The following PEA15 variants were observed in gnomAD, a reference collection of about 807,000 sequenced individuals.
PEA15 encodes astrocytic phosphoprotein PEA-15.
For synonymous variants in PEA15, 60 were observed against 61.8 expected (o/e 0.97, Z 0.13); for missense variants, 77 against 161.3 (o/e 0.48, Z 2.83).
At chr1:160,211,778 T>C (rs1386007139) in intron 2 of PEA15, 62 bp downstream of exon 2, 1 of 1,508,856 alleles carries the variant, frequency 6.6e-7, no homozygotes, top group African/African-American at 1.4e-5. Context: ...ATTCAGCAAA[T>C]AGAGATGAGC....
intron 1 of PEA15, chr1:160,207,022 A>C (rs1423527581): frequency 6.6e-6 from 1 of 152,512 alleles, no homozygotes; most frequent in Non-Finnish European, 1.5e-5. Context: ...TCACTCTCTC[A>C]CACAGATCCT....
In PEA15 at chr1:160,211,583, C is replaced by T; in HGVS notation, c.39C>T (p.Asn13=). Residue 13 remains asparagine (N), a synonymous_variant, in exon 2 of 4, where the codon AAC becomes AAT. Coordinates refer to ENST00000360472, the MANE Select transcript of PEA15 (RefSeq NM_003768.5). The part of the protein sequence containing the change: ...EYGTLLQDLT[N]NITLEDLEQL... The stretch of plus-strand genomic sequence containing the variant: ...GGACCCTCCTGCAAGACCTGACCAA[C>T]AACATCACCCTTGAAGATCTAGAAC... 6.2e-7 allele frequency: 1 copy of T among 1,613,888 alleles called. No homozygotes were observed. Among genetic ancestry groups the T allele is most frequent in the Non-Finnish European group, 8.5e-7 (1 of 1,179,834 alleles).
At position 160,213,615 on chromosome 1, in the gene PEA15, T is replaced by G; in HGVS notation, c.*129T>G. The G allele has an allele frequency of 1.9e-6, 1 of 528,744 alleles. No individual in the cohort carries two copies. Among genetic ancestry groups the G allele is most frequent in the Non-Finnish European group, 3.4e-6 (1 of 297,568 alleles). 32.8% of individuals were successfully genotyped at this position (528,744 alleles called of 1,614,324 possible). A position where few individuals can be genotyped will look rare whatever the true frequency, so the allele number is the denominator to read the frequency against. On this transcript the variant is annotated 3_prime_UTR_variant, in exon 4 of 4. Coordinates refer to ENST00000360472, the MANE Select transcript of PEA15 (RefSeq NM_003768.5). This position sits in a 1 kb window ranked among gnomAD's most constrained non-coding sequence, Gnocchi z 5.3. ...TAACCTGGTCCTAACCCCCTTACTGTGCGCGTGTGTGTGCGTGTGCGCACG... is the reference window on the plus strand; with the variant it reads ...TAACCTGGTCCTAACCCCCTTACTGGGCGCGTGTGTGTGCGTGTGCGCACG...
chr1:160,211,378 C>A, intron 1 of PEA15, 165 bp from the exon 2 acceptor site: 1 of 1,312,876 alleles, frequency 7.6e-7, no homozygotes, highest in Non-Finnish European at 9.9e-7. Flanking sequence ...GACTGCCTCC[C>A]CTAGGTCTTC....
At position 160,208,418 on chromosome 1, in the gene PEA15, G is replaced by A. The variant is rs1397649512; in HGVS notation, c.-3+2896G>A. On this transcript the variant is annotated intron_variant, in intron 1 of 3. Transcript: ENST00000360472. This position sits in a 1 kb window ranked among gnomAD's most constrained non-coding sequence, Gnocchi z 4.1. ...AGGGAAGAGGACTGACTTCCTGGCA[G>A]CCGGGGCTCCGGTTCCTGATTCCTG... 1.7e-6 allele frequency: 1 copy of A among 591,568 alleles called. No individual in the cohort carries two copies. The highest frequency in any genetic ancestry group is 3.0e-6 in the Non-Finnish European group (1 of 332,824). The allele number at this position is 591,568 out of a possible 1,614,324, so 36.6% of individuals were successfully genotyped here.
Position 160,205,907 on chromosome 1 carries a change from C to G in PEA15, c.-3+385C>G, listed in dbSNP as rs556884410. ...CCGGCCCAGCCCTGTCTCGGTTCCG[C>G]GGGCGGCTGGTACCATGTGCCCTCA... On this transcript the variant is annotated intron_variant, in intron 1 of 3. Coordinates refer to ENST00000360472, the MANE Select transcript of PEA15 (RefSeq NM_003768.5). This position sits in a 1 kb window ranked among gnomAD's most constrained non-coding sequence, Gnocchi z 5.9. 6.6e-6 allele frequency: 1 copy of G among 152,352 alleles called. No individual in the cohort carries two copies. The highest frequency in any genetic ancestry group is 1.5e-5 in the Non-Finnish European group (1 of 68,050). The allele number at this position is 152,352 out of a possible 1,614,324, so 9.4% of individuals were successfully genotyped here. A position where few individuals can be genotyped will look rare whatever the true frequency, so the allele number is the denominator to read the frequency against.
chr1:160,208,617 G>A lies in PEA15; in HGVS notation c.-2-2926G>A. On this transcript the variant is annotated intron_variant, in intron 1 of 3. Coordinates refer to ENST00000360472, the MANE Select transcript of PEA15 (RefSeq NM_003768.5). The surrounding 1 kb of genome is among the most constrained non-coding windows in gnomAD (Gnocchi z 4.1). ...TGAGGAAAGTGACATGGAGGATGAA[G>A]GAAACAAGCTCTGCCAAGCCCCACC... 1.3e-6 allele frequency: 2 copies of A among 1,550,538 alleles called. No individual in the cohort carries two copies. Among genetic ancestry groups the A allele is most frequent in the Non-Finnish European group, 8.7e-7 (1 of 1,146,952 alleles).
chr1:160,206,102 C>T (rs927635554), intron 1 of PEA15: 1 of 152,556 alleles, frequency 6.6e-6, no homozygotes, highest in Non-Finnish European at 1.5e-5. Context: ...CTATAAGGCA[C>T]GCCAGCACAC....
rs995738364 is a variant in PEA15, at chr1:160,213,042, A to G, written c.173-68A>G. On this transcript the variant is annotated intron_variant, in intron 2 of 3. Transcript: ENST00000360472. This position sits in a 1 kb window ranked among gnomAD's most constrained non-coding sequence, Gnocchi z 5.3. ...AACTCAGCTTTGGTTCCAGGTCACT[A>G]GTCTGGTGGAGTAGGGGAAGCTGAC... 1.1e-5 allele frequency: 17 copies of G among 1,537,910 alleles called. No homozygotes were observed. The South Asian group carries it at 1.9e-4, about 17-fold the overall frequency.
chr1:160,207,434 G>A (rs935336477), intron 1 of PEA15, among the ~76,000 whole-genome samples: 4 of 152,058 alleles, frequency 2.6e-5, no homozygotes, highest in African/African-American at 7.2e-5. Flanking sequence ...TCCCCTCCTC[G>A]CCATCAGCCG....
At chr1:160,209,036 GCT>G (rs1654732540) in intron 1 of PEA15, among the ~76,000 whole-genome samples, 1 of 152,180 alleles carries the variant, frequency 6.6e-6, no homozygotes, top group East Asian at 1.9e-4. Flanking sequence ...CCCAACTCCA[GCT>G]CTCTTTCTCC....
In PEA15 at chr1:160,208,551, G is replaced by A. The variant is rs1654704519; in HGVS notation, c.-2-2992G>A. Reference sequence around the variant, plus strand: ...AGGAGGATTTTTCAGAGCCCAGAGAGCAGATTTCTCCACGAGCCCTAAGGA... The same window carrying A: ...AGGAGGATTTTTCAGAGCCCAGAGAACAGATTTCTCCACGAGCCCTAAGGA... On this transcript the variant is annotated intron_variant, in intron 1 of 3. Coordinates refer to ENST00000360472, the MANE Select transcript of PEA15 (RefSeq NM_003768.5). This position sits in a 1 kb window ranked among gnomAD's most constrained non-coding sequence, Gnocchi z 4.1. 5 of 1,453,478 alleles carry A rather than the reference G, an allele frequency of 3.4e-6. No homozygotes were observed. The Admixed American group carries it at 7.9e-5, about 23-fold the overall frequency. 90.0% of individuals were successfully genotyped at this position (1,453,478 alleles called of 1,614,324 possible).
Position 160,213,274 on chromosome 1 carries a change from C to T in PEA15, c.328+9C>T. On this transcript the variant is annotated intron_variant, in intron 3 of 3. Coordinates refer to ENST00000360472, the MANE Select transcript of PEA15 (RefSeq NM_003768.5). The surrounding 1 kb of genome is among the most constrained non-coding windows in gnomAD (Gnocchi z 5.3). ...TGCCAAGAAGTACAAAGGTAAGCGG[C>T]CACTCCTTTAACTAGCTGCACCTCT... 6.2e-7 allele frequency: 1 copy of T among 1,614,186 alleles called. No homozygotes were observed. The highest frequency in any genetic ancestry group is 8.5e-7 in the Non-Finnish European group (1 of 1,180,032).
rs1391076930 is a variant in PEA15 at position 160,213,444 on chromosome 1, G to A, written c.351G>A (p.Glu117=). 1.2e-6 allele frequency: 2 copies of A among 1,614,112 alleles called. No homozygotes were observed. The highest frequency in any genetic ancestry group is 1.7e-5 in the Admixed American group (1 of 60,026). The part of the protein sequence containing the change: ...KYKDIIRQPS[E]EEIIKLAPPP... ...CAGACATTATCCGGCAGCCCTCTGA[G>A]GAAGAGATCATCAAATTGGCTCCCC... The change falls in exon 4 of 4, where the codon GAG becomes GAA. Residue 117 remains glutamate, a synonymous_variant. Coordinates refer to ENST00000360472, the MANE Select transcript of PEA15 (RefSeq NM_003768.5). This position sits in a 1 kb window ranked among gnomAD's most constrained non-coding sequence, Gnocchi z 5.3.
At chr1:160,209,646 C>A (rs1180944807) in intron 1 of PEA15, among the ~76,000 whole-genome samples, 1 of 152,166 alleles carries the variant, frequency 6.6e-6, no homozygotes, top group Non-Finnish European at 1.5e-5. Context: ...CCTTTTCCAG[C>A]TGAGGGCTTG....
rs1378003562 is a variant in PEA15 at position 160,205,494 on chromosome 1, C to G, written c.-31C>G. On this transcript the variant is annotated 5_prime_UTR_variant, in exon 1 of 4. Coordinates refer to ENST00000360472, the MANE Select transcript of PEA15 (RefSeq NM_003768.5). This position sits in a 1 kb window ranked among gnomAD's most constrained non-coding sequence, Gnocchi z 5.9. Reference sequence around the variant, plus strand: ...TAGGAACCGGGGACTCAGGAGTGCCCGCGCCCTGAGCGCTCAGCTCCAGAG... The same window carrying G: ...TAGGAACCGGGGACTCAGGAGTGCCGGCGCCCTGAGCGCTCAGCTCCAGAG... 6.2e-6 allele frequency: 1 copy of G among 161,518 alleles called. No individual in the cohort carries two copies. Among genetic ancestry groups the G allele is most frequent in the Non-Finnish European group, 1.3e-5 (1 of 74,212 alleles). 10.0% of individuals were successfully genotyped at this position (161,518 alleles called of 1,614,324 possible). A position where few individuals can be genotyped will look rare whatever the true frequency, so the allele number is the denominator to read the frequency against.
chr1:160,208,910 T>A lies in PEA15; in HGVS notation c.-2-2633T>A. ...ACTGGGGGTGGGGGGCACCCAGAAC[T>A]GAGGTTGCTATAGTAACAGATGAGA... On this transcript the variant is annotated intron_variant, in intron 1 of 3. Coordinates refer to ENST00000360472, the MANE Select transcript of PEA15 (RefSeq NM_003768.5). This position sits in a 1 kb window ranked among gnomAD's most constrained non-coding sequence, Gnocchi z 4.1. The A allele has an allele frequency of 1.9e-6, 1 of 523,426 alleles. No homozygotes were observed. Among genetic ancestry groups the A allele is most frequent in the Non-Finnish European group, 3.4e-6 (1 of 290,934 alleles). 32.4% of individuals were successfully genotyped at this position (523,426 alleles called of 1,614,324 possible).
At chr1:160,212,698 G>T (rs1654926011) in intron 2 of PEA15, among the ~76,000 whole-genome samples, 1 of 143,068 alleles carries the variant, frequency 7.0e-6, no homozygotes, top group African/African-American at 2.6e-5. Context: ...GTTGCCTAGA[G>T]ATTCCACCCT....
At position 160,214,062 on chromosome 1, in the gene PEA15, G is replaced by A. The variant is rs1261062807; in HGVS notation, c.*576G>A. On this transcript the variant is annotated 3_prime_UTR_variant, in exon 4 of 4. Coordinates refer to ENST00000360472, the MANE Select transcript of PEA15 (RefSeq NM_003768.5). ...TCTCTCATGGGCCTAGCATAGGTATGAGCCAGGGATCCTTTCCTGGTCCCT... is the reference window on the plus strand; with the variant it reads ...TCTCTCATGGGCCTAGCATAGGTATAAGCCAGGGATCCTTTCCTGGTCCCT... The A allele has an allele frequency of 6.3e-6, 1 of 158,012 alleles. No homozygotes were observed. The highest frequency in any genetic ancestry group is 2.4e-5 in the African/African-American group (1 of 41,434). 9.8% of individuals were successfully genotyped at this position (158,012 alleles called of 1,614,324 possible).
Sources: allele counts gnomAD v4.1 joint callset (sites outside exome capture counted in the v4.1 genomes callset), GRCh38; gene constraint gnomAD v4.1.1; non-coding constraint Gnocchi (gnomAD v3.1); transcripts MANE v1.5; gene names NCBI Gene and HGNC (gene_info 2026-07-23, HGNC 2026-07-21).